Variants in ANKRD6 observed in about 807,000 individuals in gnomAD.
ANKRD6 encodes the protein ankyrin repeat domain-containing protein 6.
ANKRD6 carries 56 observed loss-of-function variants against 82.3 expected under a neutral mutation model. The ratio of observed to expected loss-of-function variants is 0.68; its 90% CI spans 0.55 to 0.85. The LOEUF is 0.85. Among genes scored for constraint, ANKRD6 ranks in the 40% least tolerant of loss-of-function variants. The probability of loss-of-function intolerance (pLI) is 0.00; values close to 1 mark genes in which losing one functional copy is unlikely to be tolerated. For synonymous variants in ANKRD6, 347 were observed against 352.1 expected (o/e 0.99, Z 0.16); for missense variants, 852 against 907.6 (o/e 0.94, Z 0.79).
intron 1 of ANKRD6, among the ~76,000 whole-genome samples, chr6:89,510,769 A>T (rs1270378824): frequency 6.6e-6 from 1 of 152,162 alleles, no homozygotes; most frequent in Non-Finnish European, 1.5e-5. Context: ...CATTTTATAT[A>T]AATACAATCA....
At chr6:89,525,470 C>T (rs74583058) in intron 1 of ANKRD6, among the ~76,000 whole-genome samples, 5,440 of 152,206 alleles carry the variant, frequency 0.036, 131 homozygotes, top group Middle Eastern at 0.058. Flanking sequence ...CTGTGGCATC[C>T]TCTTGCTGCT....
intron 2 of ANKRD6, among the ~76,000 whole-genome samples, chr6:89,588,521 C>T (rs1298353377): frequency 6.6e-6 from 1 of 152,168 alleles, no homozygotes; most frequent in Non-Finnish European, 1.5e-5. Flanking sequence ...ACCATTTCTC[C>T]TTGTCTGGGT....
rs117888178 is a variant in ANKRD6 at position 89,545,593 on chromosome 6, G to A, written c.-143-21241G>A. On this transcript the variant is annotated intron_variant, in intron 1 of 15. Transcript: ENST00000339746. ...TACTTCATTTAAACCCAGAATTCCT[G>A]TGTGACGGGTACAGTCACAGGAATC... is the stretch of plus-strand genomic sequence containing the variant. Among the ~76,000 whole-genome samples the A allele has an allele frequency of 9.4e-3, 1,438 of 152,278 alleles. 9 individuals are homozygous for A. The highest frequency in any genetic ancestry group is 0.013 in the Non-Finnish European group (888 of 68,026).
At chr6:89,561,699 G>T (rs780460395) in intron 1 of ANKRD6, among the ~76,000 whole-genome samples, 17 of 152,140 alleles carry the variant, frequency 1.1e-4, no homozygotes, top group Non-Finnish European at 2.1e-4. Flanking sequence ...AGCCTTACTT[G>T]TCCCCCAGTG....
At chr6:89,622,413 T>C (rs1336970280) in intron 10 of ANKRD6, among the ~76,000 whole-genome samples, 2 of 152,164 alleles carry the variant, frequency 1.3e-5, no homozygotes, top group Non-Finnish European at 2.9e-5. Flanking sequence ...TTAGAAATGA[T>C]AATTCTTGGG....
intron 2 of ANKRD6, among the ~76,000 whole-genome samples, chr6:89,591,358 T>C (rs1456008710): frequency 2.0e-5 from 3 of 152,164 alleles, no homozygotes; most frequent in Non-Finnish European, 4.4e-5. Context: ...CGCCTTGGCC[T>C]CTCAAAGTGC....
intron 1 of ANKRD6, among the ~76,000 whole-genome samples, chr6:89,463,308 G>C (rs772274706): frequency 6.6e-6 from 1 of 151,224 alleles, no homozygotes; most frequent in Non-Finnish European, 1.5e-5. Flanking sequence ...ATATTTTATC[G>C]TATGGATATA....
At chr6:89,560,534 T>C (rs1470859919) in intron 1 of ANKRD6, among the ~76,000 whole-genome samples, 1 of 152,156 alleles carries the variant, frequency 6.6e-6, no homozygotes, top group Non-Finnish European at 1.5e-5. Flanking sequence ...TAGAAAACTG[T>C]AGGTGCTGGC....
intron 1 of ANKRD6, among the ~76,000 whole-genome samples, chr6:89,512,243 C>T (rs527344951): frequency 2.0e-5 from 3 of 152,318 alleles, no homozygotes; most frequent in African/African-American, 7.2e-5. Context: ...CTGCTTTGAT[C>T]GTTGTTACTC....
chr6:89,481,535 G>A (rs965356314), intron 1 of ANKRD6, among the ~76,000 whole-genome samples: 3 of 152,174 alleles, frequency 2.0e-5, no homozygotes, highest in Admixed American at 1.3e-4. Context: ...CTATTTAGAG[G>A]GCAATTTGTC....
chr6:89,479,711 T>C (rs1224901086), intron 1 of ANKRD6, among the ~76,000 whole-genome samples: 3 of 151,784 alleles, frequency 2.0e-5, no homozygotes, highest in African/African-American at 4.8e-5. Context: ...CATGCTGGTG[T>C]GCTGCACCCA....
At chr6:89,505,202 G>A (rs972988866) in intron 1 of ANKRD6, among the ~76,000 whole-genome samples, 3 of 152,124 alleles carry the variant, frequency 2.0e-5, no homozygotes, top group African/African-American at 7.2e-5. Flanking sequence ...CTGTCCTCCC[G>A]TATGCACCAT....
At chr6:89,495,821 T>A (rs1469304532) in intron 1 of ANKRD6, among the ~76,000 whole-genome samples, 1 of 152,120 alleles carries the variant, frequency 6.6e-6, no homozygotes, top group Non-Finnish European at 1.5e-5. Context: ...AGGACACTTT[T>A]TGTTTATTTC....
chr6:89,466,972 G>T (rs1401659112), intron 1 of ANKRD6, among the ~76,000 whole-genome samples: 1 of 152,150 alleles, frequency 6.6e-6, no homozygotes, highest in East Asian at 1.9e-4. Flanking sequence ...CTCCCAAAGT[G>T]CTGGGATTTC....
intron 1 of ANKRD6, among the ~76,000 whole-genome samples, chr6:89,533,331 A>G (rs1471928674): frequency 1.3e-5 from 2 of 152,222 alleles, no homozygotes; most frequent in African/African-American, 4.8e-5. Context: ...ATGTAGTCGT[A>G]TAGAAGCTGG....
intron 9 of ANKRD6, chr6:89,618,248 C>T (rs1280059841): frequency 4.4e-6 from 3 of 689,010 alleles, no homozygotes; most frequent in Non-Finnish European, 7.9e-6. Context: ...TCATCTTCTC[C>T]CTGTGGCTGG....
Position 89,607,910 on chromosome 6 carries a change from A to G in ANKRD6, c.417+1805A>G, listed in dbSNP as rs114278842. On this transcript the variant is annotated intron_variant, in intron 5 of 15. Coordinates refer to ENST00000339746, the MANE Select transcript of ANKRD6 (RefSeq NM_001242809.2). Reference sequence around the variant, plus strand: ...ATCTGCCCGCCTCAGCCTCCTAAGTATCTGGGCATGTGCCCCCACGCCTGG... The same window carrying G: ...ATCTGCCCGCCTCAGCCTCCTAAGTGTCTGGGCATGTGCCCCCACGCCTGG... Among the ~76,000 whole-genome samples, 278 of 100,964 alleles carry G rather than the reference A, an allele frequency of 2.8e-3. 7 individuals are homozygous for G. The highest frequency in any genetic ancestry group is 0.013 in the African/African-American group (270 of 21,078). 66.2% of individuals were successfully genotyped at this position (100,964 alleles called of 152,430 possible).
intron 2 of ANKRD6, among the ~76,000 whole-genome samples, chr6:89,577,036 T>A (rs1374166410): frequency 6.6e-6 from 1 of 152,020 alleles, no homozygotes; most frequent in Non-Finnish European, 1.5e-5. Context: ...ACTACAGTCA[T>A]GAGCCACCAT....
intron 1 of ANKRD6, among the ~76,000 whole-genome samples, chr6:89,537,763 G>A (rs1784006013): frequency 6.6e-6 from 1 of 151,150 alleles, no homozygotes; most frequent in Non-Finnish European, 1.5e-5. Flanking sequence ...GGGCATAATG[G>A]CATGCTCCTG....
Sources: allele counts gnomAD v4.1 joint callset (sites outside exome capture counted in the v4.1 genomes callset), GRCh38; gene constraint gnomAD v4.1.1; transcripts MANE v1.5; gene names NCBI Gene and HGNC (gene_info 2026-07-23, HGNC 2026-07-21).